Variants in CCSER1 observed in about 807,000 individuals in gnomAD.
The protein encoded by CCSER1 is coiled-coil serine rich protein 1.
A neutral mutation model predicts 82.0 loss-of-function variants in CCSER1; 41 were observed. The observed-to-expected ratio is 0.50, with a 90% CI of 0.39 to 0.65. The LOEUF (loss-of-function observed/expected upper bound fraction) is 0.65. Ranked by LOEUF, CCSER1 falls within the 30% of genes least tolerant of loss-of-function variation. The probability of loss-of-function intolerance (pLI) is 0.00; values close to 1 mark genes in which losing one functional copy is unlikely to be tolerated. For missense variants in CCSER1, 1,119 were observed against 1,064.2 expected (o/e 1.05, Z -0.72); for synonymous variants, 414 against 383.9 (o/e 1.08, Z -0.92).
At chr4:91,545,978 T>C (rs1761869097) in intron 10 of CCSER1, among the ~76,000 whole-genome samples, 1 of 152,128 alleles carries the variant, frequency 6.6e-6, no homozygotes, top group African/African-American at 2.4e-5. Flanking sequence ...GTTTGCTGAG[T>C]GTTGGTATCA....
intron 5 of CCSER1, among the ~76,000 whole-genome samples, chr4:90,575,696 A>T (rs1329718938): frequency 6.6e-6 from 1 of 150,956 alleles, no homozygotes; most frequent in Non-Finnish European, 1.5e-5. Context: ...CTTTCCTCAA[A>T]TTTTTTTTTC....
At chr4:91,100,995 G>A (rs1413308639) in intron 10 of CCSER1, among the ~76,000 whole-genome samples, 1 of 152,050 alleles carries the variant, frequency 6.6e-6, no homozygotes, top group African/African-American at 2.4e-5. Context: ...CCTAGAGTAG[G>A]CACATAGTGA....
rs1475090474 is a variant in CCSER1 at position 90,596,451 on chromosome 4, A to T, written c.1725-31574A>T. On this transcript the variant is annotated intron_variant, in intron 5 of 10. Coordinates refer to ENST00000509176, the MANE Select transcript of CCSER1 (RefSeq NM_001145065.2). ...TGTACTAACAATGATATAATTTTTT[A>T]AATTTGGCATTTAAGCTTATTTCTA... is the stretch of plus-strand genomic sequence containing the variant. Among the ~76,000 whole-genome samples the T allele has an allele frequency of 4.0e-5, 6 of 151,896 alleles. No homozygotes were observed. In the East Asian group the frequency reaches 1.2e-3, roughly 29 times the overall value.
At chr4:91,565,026 TTGTGTGTGTGTGTGTGTGTGTGTGTGTG>T (rs56723869) in intron 10 of CCSER1, among the ~76,000 whole-genome samples, 28 of 131,032 alleles carry the variant, frequency 2.1e-4, no homozygotes, top group Admixed American at 8.6e-4. Context: ...GCACCTTGAG[TTGTGTGTGTGTGTGTGTGTGTGTGTGTG>T]TGTGTGTGTG....
chr4:91,148,702 T>C (rs1288925182), intron 10 of CCSER1, among the ~76,000 whole-genome samples: 1 of 152,182 alleles, frequency 6.6e-6, no homozygotes. Context: ...TTCTCATTGT[T>C]CAAATCCCAC....
In CCSER1 at chr4:91,478,511, C is replaced by G. The variant is rs532288846; in HGVS notation, c.2218-120061C>G. 9.2e-5 allele frequency among the ~76,000 whole-genome samples: 14 copies of G among 151,766 alleles called. 1 individual carries two copies. Among genetic ancestry groups the G allele is most frequent in the Admixed American group, 6.6e-4 (10 of 15,210 alleles). On this transcript the variant is annotated intron_variant, in intron 10 of 10. Coordinates refer to ENST00000509176, the MANE Select transcript of CCSER1 (RefSeq NM_001145065.2). Reference sequence around the variant, plus strand: ...CAGTCACTAAAAAAGATGAAAAAATCGTAACAGTCTCAGAGATTCTGCATT... The same window carrying G: ...CAGTCACTAAAAAAGATGAAAAAATGGTAACAGTCTCAGAGATTCTGCATT...
intron 4 of CCSER1, among the ~76,000 whole-genome samples, chr4:90,404,284 C>T (rs190381839): frequency 8.0e-4 from 122 of 152,188 alleles, no homozygotes; most frequent in Non-Finnish European, 1.5e-3. Flanking sequence ...GAACCACACC[C>T]CCATTCCCCA....
At chr4:90,968,712 A>G (rs111672168) in intron 9 of CCSER1, among the ~76,000 whole-genome samples, 63 of 152,196 alleles carry the variant, frequency 4.1e-4, no homozygotes, top group African/African-American at 1.5e-3. Flanking sequence ...GATAAATTCT[A>G]CAGGAAGTTA....
chr4:90,989,631 G>A (rs1196386200), intron 9 of CCSER1, among the ~76,000 whole-genome samples: 1 of 151,746 alleles, frequency 6.6e-6, no homozygotes, highest in African/African-American at 2.4e-5. Context: ...CCTTCCTTTT[G>A]AAAGGTGGAA....
chr4:90,477,984 A>T (rs1395709166), intron 5 of CCSER1, among the ~76,000 whole-genome samples: 1 of 152,156 alleles, frequency 6.6e-6, no homozygotes, highest in Non-Finnish European at 1.5e-5. Flanking sequence ...GAAAAGAAAG[A>T]TCTGAAAACT....
chr4:91,189,737 A>C (rs906862517), intron 10 of CCSER1, among the ~76,000 whole-genome samples: 2 of 152,106 alleles, frequency 1.3e-5, no homozygotes, highest in Admixed American at 6.6e-5. Context: ...ATAAAGGCAT[A>C]TATATTACAT....
intron 6 of CCSER1, among the ~76,000 whole-genome samples, chr4:90,694,921 T>C (rs1736736277): frequency 6.6e-6 from 1 of 151,668 alleles, no homozygotes; most frequent in South Asian, 2.1e-4. Context: ...TGAAATCGTT[T>C]AATATACCAC....
intron 6 of CCSER1, among the ~76,000 whole-genome samples, chr4:90,662,100 G>C (rs1009434254): frequency 6.6e-6 from 1 of 151,180 alleles, no homozygotes; most frequent in Non-Finnish European, 1.5e-5. Flanking sequence ...CCAGGTTCAC[G>C]TGATTCTCCT....
At chr4:91,528,866 G>A (rs537172977) in intron 10 of CCSER1, among the ~76,000 whole-genome samples, 2 of 152,156 alleles carry the variant, frequency 1.3e-5, no homozygotes, top group East Asian at 3.9e-4. Context: ...ATTTATCTGG[G>A]TATAAAATAC....
chr4:91,064,110 G>A (rs1374146101), intron 9 of CCSER1, among the ~76,000 whole-genome samples: 1 of 152,148 alleles, frequency 6.6e-6, no homozygotes, highest in Non-Finnish European at 1.5e-5. Context: ...ATTGCTGATA[G>A]AGGAATTAAA....
chr4:91,184,256 A>T (rs1197038835), intron 10 of CCSER1, among the ~76,000 whole-genome samples: 1 of 152,242 alleles, frequency 6.6e-6, no homozygotes, highest in Non-Finnish European at 1.5e-5. Context: ...GGACTGTTTA[A>T]CATGCCCTGT....
intron 8 of CCSER1, among the ~76,000 whole-genome samples, chr4:90,846,548 A>G (rs972111638): frequency 2.0e-5 from 3 of 152,190 alleles, no homozygotes; most frequent in African/African-American, 4.8e-5. Flanking sequence ...ATTGCCTCAA[A>G]CATTTATTAT....
intron 10 of CCSER1, among the ~76,000 whole-genome samples, chr4:91,256,268 G>A (rs1048691510): frequency 2.0e-5 from 3 of 152,088 alleles, no homozygotes; most frequent in East Asian, 3.9e-4. Flanking sequence ...CCAGCCTGGC[G>A]AATTCTAGTC....
intron 9 of CCSER1, among the ~76,000 whole-genome samples, chr4:90,963,296 G>T (rs1259014602): frequency 6.6e-6 from 1 of 151,996 alleles, no homozygotes; most frequent in Non-Finnish European, 1.5e-5. Context: ...CCCAAAACTA[G>T]GTTCCTTAAC....
Sources: gnomAD v4.1 joint callset for allele counts (sites outside exome capture counted in the v4.1 genomes callset) on GRCh38, gnomAD v4.1.1 for gene constraint, MANE v1.5 for transcripts, NCBI Gene and HGNC (gene_info 2026-07-23, HGNC 2026-07-21) for gene names.